Variants in BUD13 observed in about 807,000 individuals in gnomAD.
BUD13 encodes the protein BUD13 homolog.
BUD13 carries 47 observed loss-of-function variants against 62.5 expected under a neutral mutation model. The observed-to-expected ratio is 0.75, with a 90% CI of 0.60 to 0.96. The LOEUF (loss-of-function observed/expected upper bound fraction) is 0.96. BUD13 is among the 40% of genes least tolerant of loss of function. The pLI is 0.00. For synonymous variants in BUD13, 293 were observed against 280.1 expected, an observed-to-expected ratio of 1.05 and a Z score of -0.46; for missense variants, 821 against 790.9, an observed-to-expected ratio of 1.04 and a Z score of -0.46.
In BUD13 at chr11:116,772,875, G is replaced by A; in HGVS notation, c.90C>T (p.Ser30=). The A allele has an allele frequency of 1.3e-6, 2 of 1,591,902 alleles. No individual in the cohort carries two copies. Residue 30 remains serine (S), a synonymous_variant, in exon 1 of 10, where the codon TCC becomes TCT. Coordinates refer to ENST00000260210, the MANE Select transcript of BUD13 (RefSeq NM_032725.4). ...GCCGCTTTTTGCGACGCTTGCGACC[G>A]GACTCAGATCCCCGGTCGACGCCGG... The part of the protein sequence containing the change: ...ADAGVDRGSE[S]GRKRRKKRPK...
intron 9 of BUD13, among the ~76,000 whole-genome samples, chr11:116,752,303 A>G (rs1194700892): frequency 3.9e-5 from 6 of 152,154 alleles, no homozygotes. Flanking sequence ...TTTCCAACAG[A>G]TACTATATAT....
At chr11:116,763,911 G>A (rs1940483893) in intron 3 of BUD13, among the ~76,000 whole-genome samples, 1 of 152,212 alleles carries the variant, frequency 6.6e-6, no homozygotes, top group African/African-American at 2.4e-5. Context: ...CCTACTGTGT[G>A]CCAGTGTTTC....
Position 116,767,290 on chromosome 11 carries a change from T to C in BUD13, c.238-1844A>G, listed in dbSNP as rs183330027. On this transcript the variant is annotated intron_variant, in intron 2 of 9. Transcript: ENST00000260210. Reference sequence around the variant, plus strand: ...ATGAACATATAAAAAATGATTCATTTCACTAGTGTTCAAAGAAACTGGGCC... The same window carrying C: ...ATGAACATATAAAAAATGATTCATTCCACTAGTGTTCAAAGAAACTGGGCC... Among the ~76,000 whole-genome samples the C allele has an allele frequency of 1.4e-3, 207 of 150,516 alleles. 2 individuals carry two copies. The highest frequency in any genetic ancestry group is 4.7e-3 in the African/African-American group (193 of 40,994).
chr11:116,771,384 A>T (rs117579298), intron 1 of BUD13, among the ~76,000 whole-genome samples: 6 of 152,182 alleles, frequency 3.9e-5, no homozygotes, highest in Admixed American at 3.9e-4. Flanking sequence ...AATACGAAAT[A>T]TTCAATAAAT....
At chr11:116,748,652 C>T in intron 9 of BUD13, 77 bp from the exon 10 acceptor site, 2 of 1,387,488 alleles carry the variant, frequency 1.4e-6, no homozygotes, top group Non-Finnish European at 1.0e-6. Context: ...GAAGAGTTCA[C>T]AATATAATGA....
Position 116,751,142 on chromosome 11 carries a change from T to C in BUD13, c.1767-2567A>G, listed in dbSNP as rs116224632. On this transcript the variant is annotated intron_variant, in intron 9 of 9. Transcript: ENST00000260210. Reference sequence around the variant, plus strand: ...CCCAAAACATCTTGAAAATCTTCTATAGTAACACTAACCAAACAGCGTTGA... The same window carrying C: ...CCCAAAACATCTTGAAAATCTTCTACAGTAACACTAACCAAACAGCGTTGA... Among the ~76,000 whole-genome samples the C allele has an allele frequency of 8.4e-3, 1,280 of 152,348 alleles. 20 individuals are homozygous for C. Among genetic ancestry groups the C allele is most frequent in the African/African-American group, 0.029 (1,203 of 41,582 alleles).
At chr11:116,771,133 G>C (rs1388601499) in intron 1 of BUD13, among the ~76,000 whole-genome samples, 2 of 152,108 alleles carry the variant, frequency 1.3e-5, no homozygotes, top group African/African-American at 4.8e-5. Context: ...AACTTCCTTT[G>C]GCAAACTTTT....
rs771355682 is a variant in BUD13, at chr11:116,758,264, C to G, written c.1499+5G>C. The G allele has an allele frequency of 6.2e-7, 1 of 1,614,102 alleles. No individual in the cohort carries two copies. Among genetic ancestry groups the G allele is most frequent in the Admixed American group, 1.7e-5 (1 of 60,014 alleles). Reference sequence around the variant, plus strand: ...TCTTGTTTACCCTTTCAGTGGTTCCCTTACCCTTTTCCCCACTGGGCATAC... The same window carrying G: ...TCTTGTTTACCCTTTCAGTGGTTCCGTTACCCTTTTCCCCACTGGGCATAC... On this transcript the variant is annotated splice_donor_5th_base_variant and intron_variant, in intron 7 of 9. Transcript: ENST00000260210.
chr11:116,748,899 C>T (rs1393304565), intron 9 of BUD13, among the ~76,000 whole-genome samples: 2 of 147,142 alleles, frequency 1.4e-5, no homozygotes, highest in Admixed American at 7.0e-5. Flanking sequence ...GCAGGAGAAT[C>T]GCTTGAACCT....
intron 8 of BUD13, 89 bp from the exon 9 acceptor site, chr11:116,757,316 A>T: frequency 8.7e-7 from 1 of 1,152,556 alleles, no homozygotes; most frequent in Non-Finnish European, 1.3e-6. Context: ...CTTTTTTTTT[A>T]GTAGAGTCTC....
chr11:116,762,719 G>A lies in BUD13; in HGVS notation c.870C>T (p.Ala290=). 1 of 1,614,142 alleles carries A rather than the reference G, an allele frequency of 6.2e-7. No individual in the cohort carries two copies. Among genetic ancestry groups the A allele is most frequent in the South Asian group, 1.1e-5 (1 of 91,082 alleles). The change falls in exon 4 of 10, where the codon GCC becomes GCT. Residue 290 remains alanine, a synonymous_variant. Coordinates refer to ENST00000260210, the MANE Select transcript of BUD13 (RefSeq NM_032725.4). ...YSLPRTKSGK[A]PERASSKTSP... is the part of the protein sequence containing the mutation. ...AAGTCTTGCTAGAGGCTCTTTCTGG[G>A]GCTTTACCACTTTTGGTTCTGGGCA...
intron 9 of BUD13, among the ~76,000 whole-genome samples, chr11:116,756,339 C>T (rs4938309): frequency 0.12 from 17,551 of 151,916 alleles, 1,329 homozygotes; most frequent in South Asian, 0.28. Flanking sequence ...GGTGAAACTC[C>T]GTCTCTATTA....
At chr11:116,755,539 C>T (rs1430586087) in intron 9 of BUD13, among the ~76,000 whole-genome samples, 7 of 152,208 alleles carry the variant, frequency 4.6e-5, no homozygotes, top group Non-Finnish European at 1.0e-4. Context: ...GAAACCAGCA[C>T]TTGTTGAGTT....
At chr11:116,757,400 A>G (rs1001925624) in intron 8 of BUD13, among the ~76,000 whole-genome samples, 173 bp from the exon 9 acceptor site, 1 of 151,974 alleles carries the variant, frequency 6.6e-6, no homozygotes, top group African/African-American at 2.4e-5. Context: ...GGTTCAAGCA[A>G]TTCTCGTGCC....
Position 116,757,222 on chromosome 11 carries a change from G to A in BUD13, c.1690C>T (p.Pro564Ser), listed in dbSNP as rs780788562. 1 of 1,613,912 alleles carries A rather than the reference G, an allele frequency of 6.2e-7. No individual in the cohort carries two copies. Among genetic ancestry groups the A allele is most frequent in the South Asian group, 1.1e-5 (1 of 91,066 alleles). ...AKENKNKKVRPRYSGPAPPPN... is the reference protein window; with the variant it reads ...AKENKNKKVRSRYSGPAPPPN... ...GGAGGTGCTGGACCACTGTAGCGAG[G>A]TCTCACTAATGAGAGGAGTAAGAAA... is the stretch of plus-strand genomic sequence containing the variant. Residue 564 changes from proline to serine, a missense_variant, in exon 9 of 10, where the codon CCT (proline) becomes TCT (serine). Pro to Ser is a moderately conservative substitution (Grantham distance 74). Transcript: ENST00000260210.
intron 2 of BUD13, 71 bp downstream of exon 2, chr11:116,770,056 CAA>C (rs34855544): frequency 0.023 from 19,352 of 832,520 alleles, 9 homozygotes; most frequent in East Asian, 0.025. Flanking sequence ...GACTCCGTCT[CAA>C]AAAAAAAAAA....
At chr11:116,757,332 G>A in intron 8 of BUD13, 105 bp from the exon 9 acceptor site, 2 of 1,026,972 alleles carry the variant, frequency 1.9e-6, no homozygotes, top group Non-Finnish European at 2.9e-6. Context: ...GTCTCACTCT[G>A]TTGCCCAGGC....
intron 4 of BUD13, among the ~76,000 whole-genome samples, chr11:116,761,249 G>A (rs1345631128): frequency 3.3e-5 from 5 of 151,640 alleles, no homozygotes; most frequent in African/African-American, 4.9e-5. Context: ...ATGGGGTTTC[G>A]CTATGTTGGC....
intron 9 of BUD13, among the ~76,000 whole-genome samples, chr11:116,755,205 T>C (rs1482726538): frequency 2.0e-5 from 3 of 152,196 alleles, no homozygotes; most frequent in South Asian, 4.1e-4. Context: ...GCAATGGAAA[T>C]GCCAGTGATA....
Sources: allele counts gnomAD v4.1 joint callset (sites outside exome capture counted in the v4.1 genomes callset), GRCh38; gene constraint gnomAD v4.1.1; transcripts MANE v1.5; gene names NCBI Gene and HGNC (gene_info 2026-07-23, HGNC 2026-07-21).